LRRTM4: variants seen among roughly 807,000 people sequenced by gnomAD.
LRRTM4 encodes the protein leucine rich repeat transmembrane neuronal 4.
In LRRTM4, 25 loss-of-function variants were observed where a neutral mutation model predicts 47.6. The ratio of observed to expected loss-of-function variants is 0.53; its 90% CI spans 0.38 to 0.73. The LOEUF is 0.73. LRRTM4 is among the 30% of genes least tolerant of loss of function. The probability of loss-of-function intolerance (pLI) is 0.00; values close to 1 mark genes in which losing one functional copy is unlikely to be tolerated. For missense variants in LRRTM4, 638 were observed against 713.4 expected (o/e 0.89, Z 1.20); for synonymous variants, 311 against 269.5 (o/e 1.15, Z -1.51).
intron 3 of LRRTM4, among the ~76,000 whole-genome samples, chr2:76,873,009 T>C (rs539689503): frequency 2.0e-4 from 30 of 152,254 alleles, no homozygotes; most frequent in Non-Finnish European, 3.4e-4. Flanking sequence ...CCATGCTTCT[T>C]GTATAGCCTG....
At chr2:77,517,115 A>G in intron 3 of LRRTM4, 1 of 985,176 alleles carries the variant, frequency 1.0e-6, no homozygotes. Flanking sequence ...GCACATAATG[A>G]TCAACATTAC....
At chr2:77,053,266 A>G (rs1233162559) in intron 3 of LRRTM4, among the ~76,000 whole-genome samples, 1 of 152,222 alleles carries the variant, frequency 6.6e-6, no homozygotes, top group Admixed American at 6.5e-5. Flanking sequence ...CAAATACTTA[A>G]ATCCAAATAA....
chr2:77,496,886 T>C (rs1215597461), intron 3 of LRRTM4, among the ~76,000 whole-genome samples: 3 of 151,806 alleles, frequency 2.0e-5, no homozygotes, highest in Admixed American at 6.6e-5. Flanking sequence ...ATTTCTTTAT[T>C]CAATGTTTGG....
chr2:77,308,286 T>C (rs1677347711), intron 3 of LRRTM4, among the ~76,000 whole-genome samples: 2 of 146,708 alleles, frequency 1.4e-5, no homozygotes, highest in African/African-American at 5.3e-5. Context: ...TGGTAAAGAC[T>C]AACACAACAC....
chr2:77,477,713 C>T (rs893822848), intron 3 of LRRTM4, among the ~76,000 whole-genome samples: 1 of 151,272 alleles, frequency 6.6e-6, no homozygotes, highest in African/African-American at 2.4e-5. Context: ...ACAAAATTAG[C>T]TCTGTGTGGT....
At chr2:77,165,287 C>A (rs1672847748) in intron 3 of LRRTM4, among the ~76,000 whole-genome samples, 1 of 152,090 alleles carries the variant, frequency 6.6e-6, no homozygotes, top group Non-Finnish European at 1.5e-5. Flanking sequence ...CCCGAATAGA[C>A]CAATAACCGG....
At chr2:76,899,972 T>C (rs549166270) in intron 3 of LRRTM4, among the ~76,000 whole-genome samples, 1 of 152,242 alleles carries the variant, frequency 6.6e-6, no homozygotes, top group South Asian at 2.1e-4. Flanking sequence ...CTCACACCTG[T>C]AATCTCAGCA....
intron 3 of LRRTM4, among the ~76,000 whole-genome samples, chr2:77,240,814 A>AT (rs928073317): frequency 2.0e-5 from 3 of 152,014 alleles, no homozygotes; most frequent in Non-Finnish European, 4.4e-5. Flanking sequence ...TAACATAGCA[A>AT]TAAAACTGAA....
At chr2:76,893,035 A>G (rs1673304066) in intron 3 of LRRTM4, among the ~76,000 whole-genome samples, 1 of 149,692 alleles carries the variant, frequency 6.7e-6, no homozygotes, top group Admixed American at 6.8e-5. Flanking sequence ...AACAATCATA[A>G]TCATTGTCAG....
chr2:77,278,682 G>A (rs1261268365), intron 3 of LRRTM4, among the ~76,000 whole-genome samples: 2 of 151,946 alleles, frequency 1.3e-5, no homozygotes, highest in Admixed American at 1.3e-4. Context: ...TGAAGAGGAA[G>A]GACTCAGATA....
intron 3 of LRRTM4, among the ~76,000 whole-genome samples, chr2:77,209,930 G>T (rs1674245204): frequency 6.6e-6 from 1 of 152,070 alleles, no homozygotes; most frequent in South Asian, 2.1e-4. Context: ...TTTTCAAAGA[G>T]TAACTCTTTG....
intron 3 of LRRTM4, among the ~76,000 whole-genome samples, chr2:77,227,255 A>G (rs1674840263): frequency 6.6e-6 from 1 of 152,124 alleles, no homozygotes; most frequent in South Asian, 2.1e-4. Flanking sequence ...TGAATTTCCA[A>G]ATTGCCATAG....
At chr2:77,152,021 A>T (rs1031542171) in intron 3 of LRRTM4, among the ~76,000 whole-genome samples, 1 of 152,170 alleles carries the variant, frequency 6.6e-6, no homozygotes, top group Non-Finnish European at 1.5e-5. Flanking sequence ...AGCACAAAAA[A>T]CTGCAAAGAA....
rs79893663 is a variant in LRRTM4 at position 77,112,109 on chromosome 2, T to A, written c.1552-363193A>T. Among the ~76,000 whole-genome samples, 822 of 152,166 alleles carry A rather than the reference T, an allele frequency of 5.4e-3. 6 individuals are homozygous for A. Among genetic ancestry groups the A allele is most frequent in the African/African-American group, 0.019 (780 of 41,536 alleles). ...GGATGGATAATAGAGGAGGTGAAAA[T>A]TACCCTGGGAAATCTGGGGCTATTT... On this transcript the variant is annotated intron_variant, in intron 3 of 3. Coordinates refer to ENST00000409884, the MANE Select transcript of LRRTM4 (RefSeq NM_001134745.3).
At chr2:77,119,678 A>G (rs1671476522) in intron 3 of LRRTM4, among the ~76,000 whole-genome samples, 1 of 151,850 alleles carries the variant, frequency 6.6e-6, no homozygotes, top group Non-Finnish European at 1.5e-5. Flanking sequence ...AGAGAATCGT[A>G]AAAAAGAGCT....
intron 3 of LRRTM4, among the ~76,000 whole-genome samples, chr2:77,477,903 AAAAGAAAGAAAG>A (rs70956633): frequency 0.084 from 9,198 of 109,522 alleles, 439 homozygotes; most frequent in Middle Eastern, 0.14. Context: ...AAAAGAAAGA[AAAAGAAAGAAAG>A]AAAGAAAGAA....
rs747055819 is a variant in LRRTM4 at position 77,243,010 on chromosome 2, G to T, written c.1551+275308C>A. 3.3e-5 allele frequency among the ~76,000 whole-genome samples: 5 copies of T among 152,176 alleles called. No homozygotes were observed. In the South Asian group the frequency reaches 1.0e-3, roughly 31 times the overall value. ...TAGATGAATGGATAAACAAAATGCA[G>T]TGTATGCAGGTAGTGAAATAACATT... On this transcript the variant is annotated intron_variant, in intron 3 of 3. Coordinates refer to ENST00000409884, the MANE Select transcript of LRRTM4 (RefSeq NM_001134745.3).
intron 3 of LRRTM4, among the ~76,000 whole-genome samples, chr2:77,075,132 A>C (rs114189229): frequency 0.01 from 1,550 of 152,308 alleles, 10 homozygotes; most frequent in Non-Finnish European, 0.018. Context: ...ATAATATGTG[A>C]GCTGTTTCTG....
chr2:77,415,018 T>C (rs1674583958), intron 3 of LRRTM4, among the ~76,000 whole-genome samples: 1 of 152,188 alleles, frequency 6.6e-6, no homozygotes, highest in Admixed American at 6.5e-5. Context: ...AATAGCCTTT[T>C]GAAAGATTAG....
Sources: allele counts gnomAD v4.1 joint callset (sites outside exome capture counted in the v4.1 genomes callset), GRCh38; gene constraint gnomAD v4.1.1; transcripts MANE v1.5; gene names NCBI Gene and HGNC (gene_info 2026-07-23, HGNC 2026-07-21).